INPP5A: variants seen among roughly 807,000 people sequenced by gnomAD.
INPP5A encodes the protein inositol polyphosphate-5-phosphatase A, also known as 43 kDa inositol polyphosphate 5-phophatase.
INPP5A carries 14 observed loss-of-function variants against 65.2 expected under a neutral mutation model. The observed-to-expected ratio is 0.21, with a 90% CI of 0.14 to 0.34. The LOEUF (loss-of-function observed/expected upper bound fraction) is 0.34. INPP5A is among the 10% of genes least tolerant of loss of function. The pLI is 1.00. For synonymous variants in INPP5A, 207 were observed against 208.3 expected, an observed-to-expected ratio of 0.99 and a Z score of 0.05; for missense variants, 431 against 545.6, an observed-to-expected ratio of 0.79 and a Z score of 2.09.
At chr10:132,723,773 G>A (rs1483588143) in intron 8 of INPP5A, among the ~76,000 whole-genome samples, 2 of 152,270 alleles carry the variant, frequency 1.3e-5, no homozygotes, top group African/African-American at 4.8e-5. Context: ...GCCGGCGGGC[G>A]TTGCCGCCCT....
intron 2 of INPP5A, among the ~76,000 whole-genome samples, chr10:132,630,317 A>G (rs1027535507): frequency 6.7e-6 from 1 of 150,348 alleles, no homozygotes; most frequent in African/African-American, 2.5e-5. Flanking sequence ...TGTGTCTGTG[A>G]GGGGAGGGTG....
chr10:132,548,955 C>T (rs2133251095), intron 1 of INPP5A, among the ~76,000 whole-genome samples: 1 of 152,178 alleles, frequency 6.6e-6, no homozygotes, highest in African/African-American at 2.4e-5. Flanking sequence ...GCCACCATGC[C>T]AGGCTTTTAC....
chr10:132,600,668 G>A (rs2071764249), intron 1 of INPP5A, among the ~76,000 whole-genome samples: 1 of 152,152 alleles, frequency 6.6e-6, no homozygotes, highest in Admixed American at 6.5e-5. Flanking sequence ...TGCCAGTAAA[G>A]ACATACCTGA....
Position 132,637,529 on chromosome 10 carries a change from G to A in INPP5A, c.118-8339G>A, listed in dbSNP as rs949027150. 2.0e-5 allele frequency among the ~76,000 whole-genome samples: 3 copies of A among 151,960 alleles called. No homozygotes were observed. Among genetic ancestry groups the A allele is most frequent in the South Asian group, 2.1e-4 (1 of 4,794 alleles). ...TCCTCCTTCTCTGCCTGTCTCCCAC[G>A]GTCACTTCTTTCTCTCACGCTGTTT... is the stretch of plus-strand genomic sequence containing the variant. On this transcript the variant is annotated intron_variant, in intron 2 of 15. Coordinates refer to ENST00000368594, the MANE Select transcript of INPP5A (RefSeq NM_005539.5). This position sits in a 1 kb window ranked among gnomAD's most constrained non-coding sequence, Gnocchi z 4.1.
intron 1 of INPP5A, among the ~76,000 whole-genome samples, chr10:132,607,621 G>A (rs2071875003): frequency 6.6e-6 from 1 of 152,260 alleles, no homozygotes; most frequent in Admixed American, 6.5e-5. Flanking sequence ...GCAACACAGA[G>A]CCTTCCCCTC....
Position 132,616,317 on chromosome 10 carries a change from A to G in INPP5A, c.117+8361A>G, listed in dbSNP as rs1233544214. Among the ~76,000 whole-genome samples the G allele has an allele frequency of 6.6e-6, 1 of 152,132 alleles. No homozygotes were observed. The highest frequency in any genetic ancestry group is 1.5e-5 in the Non-Finnish European group (1 of 68,020). On this transcript the variant is annotated intron_variant, in intron 2 of 15. Transcript: ENST00000368594. The surrounding 1 kb of genome is among the most constrained non-coding windows in gnomAD (Gnocchi z 4.9). ...CAGTGGCAGATGTGCAGTGTGGGGC[A>G]TGTGGCGTGCAGGGACGCCGTGGGC...
chr10:132,569,248 T>C (rs187845730), intron 1 of INPP5A, among the ~76,000 whole-genome samples: 2 of 152,360 alleles, frequency 1.3e-5, no homozygotes, highest in East Asian at 3.8e-4. Flanking sequence ...GTCAATTCTT[T>C]TTGGTTAAAA....
intron 8 of INPP5A, among the ~76,000 whole-genome samples, chr10:132,720,003 G>A (rs565736310): frequency 3.3e-5 from 5 of 151,400 alleles, no homozygotes; most frequent in African/African-American, 7.3e-5. Context: ...TCAGGGTTCT[G>A]TGGTGCCTGG....
Position 132,697,840 on chromosome 10 carries a change from G to A in INPP5A, c.395G>A (p.Gly132Asp). 1 of 1,612,804 alleles carries A rather than the reference G, an allele frequency of 6.2e-7. No individual in the cohort carries two copies. Among genetic ancestry groups the A allele is most frequent in the Non-Finnish European group, 8.5e-7 (1 of 1,179,272 alleles). Residue 132 changes from glycine (G) to aspartate (D), a missense_variant, in exon 6 of 16, where the codon GGC becomes GAC. By Grantham distance (94) the Gly-to-Asp change is moderately conservative. Transcript: ENST00000368594. The surrounding 1 kb of genome is among the most constrained non-coding windows in gnomAD (Gnocchi z 5.6). ...FKAKKYRKVA[G>D]KEIYSDTLES... ...GCTAAGAAGTATAGAAAGGTCGCTG[G>A]CAAAGAGATCTACTCGGATACCTTA...
intron 1 of INPP5A, among the ~76,000 whole-genome samples, chr10:132,604,230 C>T (rs1446868919): frequency 6.7e-6 from 1 of 149,216 alleles, no homozygotes; most frequent in African/African-American, 2.5e-5. Context: ...CCATCCTGCC[C>T]TATGCTGTCA....
intron 8 of INPP5A, among the ~76,000 whole-genome samples, chr10:132,719,687 C>A (rs1339641055): frequency 3.9e-5 from 5 of 127,160 alleles, no homozygotes; most frequent in East Asian, 5.2e-4. Flanking sequence ...GGCTGTCTTG[C>A]AGGTTCTGTG....
At chr10:132,777,817 G>A (rs1452677648) in intron 13 of INPP5A, 35 bp downstream of exon 13, 2 of 1,605,658 alleles carry the variant, frequency 1.2e-6, no homozygotes, top group African/African-American at 2.7e-5. Flanking sequence ...GGGCACAGAG[G>A]GATGTGGAGC....
At chr10:132,617,415 C>T (rs1050188565) in intron 2 of INPP5A, among the ~76,000 whole-genome samples, 5 of 152,174 alleles carry the variant, frequency 3.3e-5, no homozygotes, top group East Asian at 1.9e-4. Flanking sequence ...GTCCACCGGC[C>T]GTGGGCATGC....
chr10:132,745,531 G>T (rs1160681062), intron 9 of INPP5A, among the ~76,000 whole-genome samples: 1 of 126,352 alleles, frequency 7.9e-6, no homozygotes. Flanking sequence ...GCCCTGCTGG[G>T]ACCTTCCTCC....
Position 132,704,216 on chromosome 10 carries a change from G to A in INPP5A, c.475-4097G>A, listed in dbSNP as rs1845495218. Among the ~76,000 whole-genome samples the A allele has an allele frequency of 6.6e-6, 1 of 152,048 alleles. No individual in the cohort carries two copies. Among genetic ancestry groups the A allele is most frequent in the South Asian group, 2.1e-4 (1 of 4,830 alleles). ...TGTATTGAGGCGCCTTGGCCTGCAG[G>A]GACGGTACCTTTTCTCCTGGAAAGA... On this transcript the variant is annotated intron_variant, in intron 6 of 15. Coordinates refer to ENST00000368594, the MANE Select transcript of INPP5A (RefSeq NM_005539.5). The surrounding 1 kb of genome is among the most constrained non-coding windows in gnomAD (Gnocchi z 4.5).
chr10:132,564,612 CAAG>C (rs1190908645), intron 1 of INPP5A, among the ~76,000 whole-genome samples: 4 of 152,192 alleles, frequency 2.6e-5, no homozygotes, highest in African/African-American at 9.7e-5. Context: ...GTTTATATAA[CAAG>C]AGTGTATTTT....
At position 132,752,690 on chromosome 10, in the gene INPP5A, A is replaced by G. The variant is rs867417008; in HGVS notation, c.903+2845A>G. Among the ~76,000 whole-genome samples the G allele has an allele frequency of 1.6e-3, 87 of 55,818 alleles. 1 individual carries two copies. The highest frequency in any genetic ancestry group is 3.0e-3 in the South Asian group (4 of 1,344). 36.6% of individuals were successfully genotyped at this position (55,818 alleles called of 152,430 possible). On this transcript the variant is annotated intron_variant, in intron 11 of 15. Coordinates refer to ENST00000368594, the MANE Select transcript of INPP5A (RefSeq NM_005539.5). ...GCACGGGGCGTGGAGGGGGTGCGGC[A>G]TGGAGGGGGTGCGGCGTGGAGGCGG...
At chr10:132,619,665 C>T (rs1008255773) in intron 2 of INPP5A, among the ~76,000 whole-genome samples, 2 of 152,172 alleles carry the variant, frequency 1.3e-5, no homozygotes, top group African/African-American at 4.8e-5. Flanking sequence ...CAGGCTTTTG[C>T]CTGGGCACCT....
intron 7 of INPP5A, 130 bp downstream of exon 7, chr10:132,708,495 C>T (rs748803003): frequency 1.7e-4 from 150 of 857,770 alleles, no homozygotes; most frequent in Non-Finnish European, 2.9e-4. Context: ...AGCTGCCTGA[C>T]CCCCACCTGC....
Sources: allele counts gnomAD v4.1 joint callset (sites outside exome capture counted in the v4.1 genomes callset), GRCh38; gene constraint gnomAD v4.1.1; non-coding constraint Gnocchi (gnomAD v3.1); transcripts MANE v1.5; gene names NCBI Gene and HGNC (gene_info 2026-07-23, HGNC 2026-07-21).